FHAD1: variants seen among roughly 807,000 people sequenced by gnomAD.
FHAD1 encodes the protein forkhead-associated domain-containing protein 1.
A neutral mutation model predicts 191.3 loss-of-function variants in FHAD1; 146 were observed. The ratio of observed to expected loss-of-function variants is 0.76; its 90% CI spans 0.67 to 0.88. The LOEUF (loss-of-function observed/expected upper bound fraction) is 0.88. Among genes scored for constraint, FHAD1 ranks in the 40% least tolerant of loss-of-function variants. FHAD1 has a pLI of 0.00. For synonymous variants in FHAD1, 616 were observed against 672.3 expected (o/e 0.92, Z 1.29); for missense variants, 1,635 against 1,785.8 (o/e 0.92, Z 1.52).
intron 2 of FHAD1, among the ~76,000 whole-genome samples, chr1:15,265,659 T>C (rs994708885): frequency 1.3e-5 from 2 of 152,146 alleles, no homozygotes; most frequent in Non-Finnish European, 2.9e-5. Context: ...ACATAGAACT[T>C]ATCTCTTTGA....
At chr1:15,328,212 T>A in intron 12 of FHAD1, 65 bp from the exon 13 acceptor site, 33 of 1,309,560 alleles carry the variant, frequency 2.5e-5, no homozygotes, top group Middle Eastern at 2.0e-4. Flanking sequence ...TCCCCTTCCC[T>A]CAGGGCCCCC....
chr1:15,360,698 AC>A lies in FHAD1; in HGVS notation c.2960del (p.Pro987GlnfsTer16), dbSNP rs1248762351. ...GAGATTGCAACATTGAAGGACAATG[AC>A]CCAGGTAAGTCCGAAGGGAGGCCAA... ...EGEIATLKDN[D>X]PAPKEERPQD... On this transcript the variant is annotated frameshift_variant, in exon 22 of 34. Transcript: ENST00000688493. LOFTEE classifies it high-confidence loss of function. 6 of 1,551,394 alleles carry A rather than the reference AC, an allele frequency of 3.9e-6. No homozygotes were observed. In the Admixed American group the frequency reaches 9.8e-5, roughly 25 times the overall value.
chr1:15,244,994 C>A (rs6687341), upstream of FHAD1, among the ~76,000 whole-genome samples: 3,735 of 152,258 alleles, frequency 0.025, 166 homozygotes, highest in African/African-American at 0.084. The surrounding 1 kb of genome is among the most constrained non-coding windows in gnomAD (Gnocchi z 5.1). Flanking sequence ...GAAAGTAGCG[C>A]CTGCATGTGC....
rs926410964 is a variant in FHAD1, at chr1:15,276,163, T to C, written c.300+3634T>C. ...GTTGCTTCACCTCTCAAAGCCTCAG[T>C]TCCCATTTCTGTAAAATTGGAATCC... On this transcript the variant is annotated intron_variant, in intron 3 of 33. Coordinates refer to ENST00000688493, the MANE Select transcript of FHAD1 (RefSeq NM_001391957.1). This position sits in a 1 kb window ranked among gnomAD's most constrained non-coding sequence, Gnocchi z 4.7. Among the ~76,000 whole-genome samples, 1 of 152,232 alleles carries C rather than the reference T, an allele frequency of 6.6e-6. No homozygotes were observed. The highest frequency in any genetic ancestry group is 1.5e-5 in the Non-Finnish European group (1 of 68,040).
chr1:15,275,618 TTCTC>T (rs1658059416), intron 3 of FHAD1, among the ~76,000 whole-genome samples: 1 of 152,196 alleles, frequency 6.6e-6, no homozygotes, highest in Non-Finnish European at 1.5e-5. Flanking sequence ...TGGACTGAGT[TTCTC>T]TTTCTGATGG....
rs768290787 is a variant in FHAD1, at chr1:15,345,378, T to C, written c.2239-38T>C. ...CCTGGCAGAGTCCAGTTTCCTCCCA[T>C]GGTAACCATGTCTATTGAACAATGA... On this transcript the variant is annotated intron_variant, in intron 17 of 33. Transcript: ENST00000688493. 2.7e-5 allele frequency: 42 copies of C among 1,534,918 alleles called. 1 individual carries two copies. The South Asian group carries it at 4.9e-4, about 18-fold the overall frequency.
downstream of FHAD1, among the ~76,000 whole-genome samples, chr1:15,402,163 G>A (rs138980746): frequency 4.0e-3 from 604 of 152,222 alleles, 2 homozygotes; most frequent in Admixed American, 7.3e-3. Context: ...CCATTCAGCC[G>A]GTAGACACTG....
At chr1:15,364,337 C>T (rs1287835597) in intron 23 of FHAD1, 1 of 152,572 alleles carries the variant, frequency 6.6e-6, no homozygotes, top group African/African-American at 2.4e-5. Context: ...AGGCGGGGCG[C>T]AGTGGTTCAC....
intron 4 of FHAD1, among the ~76,000 whole-genome samples, chr1:15,296,469 G>C (rs1667012097): frequency 6.6e-6 from 1 of 152,120 alleles, no homozygotes; most frequent in Non-Finnish European, 1.5e-5. Flanking sequence ...TAGCCAGGAT[G>C]GTCTCAATCT....
At chr1:15,270,166 C>G (rs1655304889) in intron 2 of FHAD1, among the ~76,000 whole-genome samples, 1 of 152,192 alleles carries the variant, frequency 6.6e-6, no homozygotes, top group Non-Finnish European at 1.5e-5. Flanking sequence ...CCGCCCTGGC[C>G]TCCCAAAGTG....
Position 15,251,903 on chromosome 1 carries a change from G to A in FHAD1, c.93+26G>A, listed in dbSNP as rs185278080. 115 of 1,534,096 alleles carry A rather than the reference G, an allele frequency of 7.5e-5. No homozygotes were observed. In the African/African-American group the frequency reaches 1.1e-3, roughly 15 times the overall value. ...GTAAGAAGTCTTCCCACCTGTTCCC[G>A]TCCCCTCCCTGACCCCTTCCTTCTC... On this transcript the variant is annotated intron_variant, in intron 2 of 33. Transcript: ENST00000688493.
intron 23 of FHAD1, among the ~76,000 whole-genome samples, chr1:15,365,428 C>T (rs989928748): frequency 6.6e-6 from 1 of 151,616 alleles, no homozygotes; most frequent in South Asian, 2.1e-4. Flanking sequence ...AATCTTCCCA[C>T]CTCAGCCTCC....
At chr1:15,337,700 A>T (rs561404097) in intron 14 of FHAD1, among the ~76,000 whole-genome samples, 3 of 152,290 alleles carry the variant, frequency 2.0e-5, no homozygotes, top group African/African-American at 7.2e-5. Context: ...CCGACATAGC[A>T]GCAGTGCTCC....
At position 15,312,974 on chromosome 1, in the gene FHAD1, C is replaced by G. The variant is rs574413140; in HGVS notation, c.1040-83C>G. ...AGACACCTCCCTTCTCAGTGCCAGGCTCGTCACAAACTGGTTGACAGCGGC... is the reference window on the plus strand; with the variant it reads ...AGACACCTCCCTTCTCAGTGCCAGGGTCGTCACAAACTGGTTGACAGCGGC... On this transcript the variant is annotated intron_variant, in intron 7 of 33. Transcript: ENST00000688493. This position sits in a 1 kb window ranked among gnomAD's most constrained non-coding sequence, Gnocchi z 4.7. 3.3e-6 allele frequency: 5 copies of G among 1,509,572 alleles called. No individual in the cohort carries two copies. The East Asian group carries it at 9.9e-5, about 30-fold the overall frequency. The allele number at this position is 1,509,572 out of a possible 1,614,324, so 93.5% of individuals were successfully genotyped here.
At chr1:15,297,588 A>C (rs1418373671) in intron 5 of FHAD1, among the ~76,000 whole-genome samples, 1 of 152,174 alleles carries the variant, frequency 6.6e-6, no homozygotes, top group Non-Finnish European at 1.5e-5. Context: ...TCAGTTACCC[A>C]CTGCTGTAAA....
chr1:15,360,667 G>C lies in FHAD1; in HGVS notation c.2926G>C (p.Glu976Gln), dbSNP rs1314663864. The C allele has an allele frequency of 1.3e-6, 2 of 1,551,796 alleles. No homozygotes were observed. Among genetic ancestry groups the C allele is most frequent in the Admixed American group, 2.0e-5 (1 of 51,000 alleles). The change falls in exon 22 of 34, where the codon GAA becomes CAA. Residue 976 changes from glutamate to glutamine, a missense_variant. By Grantham distance (29) the Glu-to-Gln change is conservative (BLOSUM62 2). Transcript: ENST00000688493. ...AGTCACTCAGCACCATAAAAAAATAGAAGGCGAGATTGCAACATTGAAGGA... is the reference window on the plus strand; with the variant it reads ...AGTCACTCAGCACCATAAAAAAATACAAGGCGAGATTGCAACATTGAAGGA... ...QKVTQHHKKI[E>Q]GEIATLKDND...
downstream of FHAD1, among the ~76,000 whole-genome samples, chr1:15,401,551 C>T (rs1707127831): frequency 6.6e-6 from 1 of 152,216 alleles, no homozygotes; most frequent in Admixed American, 6.5e-5. Flanking sequence ...ATAAGGTGCC[C>T]TTCTCTTGAA....
chr1:15,389,462 A>C (rs1412846346), intron 32 of FHAD1, among the ~76,000 whole-genome samples: 2 of 151,086 alleles, frequency 1.3e-5, no homozygotes, highest in Non-Finnish European at 2.9e-5. Flanking sequence ...AAAAAAAAAA[A>C]AAAAAACCTG....
chr1:15,371,616 C>T (rs1024538544), intron 26 of FHAD1, among the ~76,000 whole-genome samples: 3 of 152,176 alleles, frequency 2.0e-5, no homozygotes, highest in Non-Finnish European at 2.9e-5. Context: ...TACCCCTGTG[C>T]CCCCAAAACT....
Sources: allele counts gnomAD v4.1 joint callset (sites outside exome capture counted in the v4.1 genomes callset), GRCh38; gene constraint gnomAD v4.1.1; non-coding constraint Gnocchi (gnomAD v3.1); transcripts MANE v1.5; gene names NCBI Gene and HGNC (gene_info 2026-07-23, HGNC 2026-07-21).